WSCD2: variants seen among roughly 807,000 people sequenced by gnomAD.
WSCD2 encodes sialate:O-sulfotransferase 2.
WSCD2 carries 28 observed loss-of-function variants against 55.7 expected under a neutral mutation model. That is an observed-to-expected ratio of 0.50 (90% CI 0.37 to 0.69). The LOEUF is 0.69. Among genes scored for constraint, WSCD2 ranks in the 30% least tolerant of loss-of-function variants. The pLI, the probability that WSCD2 is intolerant of heterozygous loss-of-function variation, is 0.00. For synonymous variants in WSCD2, 301 were observed against 301.9 expected, an observed-to-expected ratio of 1.00 and a Z score of 0.03; for missense variants, 616 against 762.1, an observed-to-expected ratio of 0.81 and a Z score of 2.26.
chr12:108,229,664 A>G (rs1188343434), intron 6 of WSCD2, among the ~76,000 whole-genome samples: 1 of 152,234 alleles, frequency 6.6e-6, no homozygotes, highest in Admixed American at 6.5e-5. Context: ...AAAACTGCAT[A>G]TAATACTGCC....
chr12:108,210,387 C>T lies in WSCD2; in HGVS notation c.682+82C>T. On this transcript the variant is annotated intron_variant, in intron 4 of 8. Transcript: ENST00000547525. The surrounding 1 kb of genome is among the most constrained non-coding windows in gnomAD (Gnocchi z 4.3). ...CCACCAAAGAGTCCCACATGTCTGC[C>T]CTGTACCCTCCATGGCTCCCCATCA... 1 of 1,472,818 alleles carries T rather than the reference C, an allele frequency of 6.8e-7. No homozygotes were observed. The highest frequency in any genetic ancestry group is 9.0e-7 in the Non-Finnish European group (1 of 1,108,768). The allele number at this position is 1,472,818 out of a possible 1,614,324, so 91.2% of individuals were successfully genotyped here.
chr12:108,175,951 T>C (rs1880801011), intron 1 of WSCD2, among the ~76,000 whole-genome samples: 1 of 152,154 alleles, frequency 6.6e-6, no homozygotes, highest in African/African-American at 2.4e-5. Flanking sequence ...GCCATTCTCC[T>C]GCCTCAGCCT....
rs368776304 is a variant in WSCD2 at position 108,247,847 on chromosome 12, T to A, written c.1346-144T>A. ...GCTGGGATTATAGGTGTGAGCCACC[T>A]CACCTGGCCTGTATTATTACAGTTA... On this transcript the variant is annotated intron_variant, in intron 8 of 8. Transcript: ENST00000547525. The A allele has an allele frequency of 1.9e-3, 1,868 of 973,310 alleles. 35 individuals are homozygous for A. In the South Asian group the frequency reaches 0.03, roughly 16 times the overall value. 60.3% of individuals were successfully genotyped at this position (973,310 alleles called of 1,614,324 possible). A position where few individuals can be genotyped will look rare whatever the true frequency, so the allele number is the denominator to read the frequency against.
At chr12:108,216,830 T>G (rs919481776) in intron 4 of WSCD2, among the ~76,000 whole-genome samples, 1 of 152,204 alleles carries the variant, frequency 6.6e-6, no homozygotes, top group African/African-American at 2.4e-5. Context: ...GGGTGGCTCC[T>G]GGGGAAATTA....
intron 1 of WSCD2, among the ~76,000 whole-genome samples, chr12:108,168,345 C>T (rs961013528): frequency 6.6e-6 from 1 of 152,184 alleles, no homozygotes; most frequent in African/African-American, 2.4e-5. Flanking sequence ...GAGCAAGTCA[C>T]ATATCTTCCC....
chr12:108,212,540 T>C (rs1488503413), intron 4 of WSCD2, among the ~76,000 whole-genome samples: 1 of 151,626 alleles, frequency 6.6e-6, no homozygotes, highest in Non-Finnish European at 1.5e-5. Flanking sequence ...TCTTCCTCTT[T>C]CTCTCCCCCA....
At chr12:108,138,007 A>G (rs1490189948) in intron 1 of WSCD2, among the ~76,000 whole-genome samples, 1 of 152,220 alleles carries the variant, frequency 6.6e-6, no homozygotes, top group African/African-American at 2.4e-5. Flanking sequence ...GGCATCCGCT[A>G]TACACTGAGG....
intron 1 of WSCD2, among the ~76,000 whole-genome samples, chr12:108,156,969 C>T (rs1289276485): frequency 6.6e-6 from 1 of 152,208 alleles, no homozygotes; most frequent in Non-Finnish European, 1.5e-5. Context: ...TGTTTGGAAC[C>T]TCTGGCTTGT....
Position 108,248,142 on chromosome 12 carries a change from C to G in WSCD2, c.1497C>G (p.Gly499=), listed in dbSNP as rs138523163. ...TGGGCCGGATGGTCAGCCTGCTGGG[C>G]GTGGCTGTCAGGGAGGACCGGCTGC... The part of the protein sequence containing the change: ...VQLGRMVSLL[G]VAVREDRLLC... The change falls in exon 9 of 9, where the codon GGC becomes GGG. Residue 499 remains glycine, a synonymous_variant. Coordinates refer to ENST00000547525, the MANE Select transcript of WSCD2 (RefSeq NM_014653.4). The surrounding 1 kb of genome is among the most constrained non-coding windows in gnomAD (Gnocchi z 4.3). 1 of 1,614,174 alleles carries G rather than the reference C, an allele frequency of 6.2e-7. No individual in the cohort carries two copies. The highest frequency in any genetic ancestry group is 1.1e-5 in the South Asian group (1 of 91,084).
rs749050382 is a variant in WSCD2 at position 108,232,756 on chromosome 12, C to A, written c.1005C>A (p.Phe335Leu). 7 of 1,613,420 alleles carry A rather than the reference C, an allele frequency of 4.3e-6. No individual in the cohort carries two copies. The South Asian group carries it at 7.7e-5, about 18-fold the overall frequency. Residue 335 changes from phenylalanine to leucine, a missense_variant, in exon 7 of 9, where the codon TTC becomes TTA. Transcript: ENST00000547525. ...ACAACCGTTGCATGGACAGAAGGTT[C>A]CTGCCAGGCAAGTCCAAGCAGCTCA... ...VQDNRCMDRR[F>L]LPGKSKQLIA...
In WSCD2 at chr12:108,164,138, C is replaced by CTTTTTTTTTTTTTTTTTTTTTTT; in HGVS notation, c.-551-31144_-551-31143insTTTTTTTTTTTTTTTTTTTTTTT. Reference sequence around the variant, plus strand: ...TTTATACTGTTGTTTAATCTTAAATCCTTTTTTTTTTTTTTTTTTTTTTTC... The same window carrying CTTTTTTTTTTTTTTTTTTTTTTT: ...TTTATACTGTTGTTTAATCTTAAATCTTTTTTTTTTTTTTTTTTTTTTTCTTTTTTTTTTTTTTTTTTTTTTTC... On this transcript the variant is annotated intron_variant, in intron 1 of 8. Transcript: ENST00000547525. Among the ~76,000 whole-genome samples, 273 of 71,738 alleles carry CTTTTTTTTTTTTTTTTTTTTTTT rather than the reference C, an allele frequency of 3.8e-3. 120 individuals are homozygous for CTTTTTTTTTTTTTTTTTTTTTTT. Among genetic ancestry groups the CTTTTTTTTTTTTTTTTTTTTTTT allele is most frequent in the Non-Finnish European group, 4.8e-3 (183 of 38,262 alleles). 47.1% of individuals were successfully genotyped at this position (71,738 alleles called of 152,430 possible).
At chr12:108,232,078 C>T (rs1202460268) in intron 6 of WSCD2, among the ~76,000 whole-genome samples, 2 of 152,182 alleles carry the variant, frequency 1.3e-5, no homozygotes, top group Non-Finnish European at 2.9e-5. Context: ...AGAGGAAGTA[C>T]AGAGAGACCA....
At chr12:108,241,206 G>T (rs1889719845) in intron 8 of WSCD2, among the ~76,000 whole-genome samples, 1 of 152,154 alleles carries the variant, frequency 6.6e-6, no homozygotes, top group African/African-American at 2.4e-5. Context: ...ACAGCATTGA[G>T]CCCCAAGCAT....
chr12:108,248,035 C>T lies in WSCD2; in HGVS notation c.1390C>T (p.His464Tyr). The part of the protein sequence containing the change: ...VRNYAPWWAT[H>Y]TLDWLKFGKK... ...GAACTATGCCCCGTGGTGGGCCACT[C>T]ACACACTGGACTGGCTCAAGTTTGG... Residue 464 changes from histidine to tyrosine, a missense_variant, in exon 9 of 9, where the codon CAC (histidine) becomes TAC (tyrosine). Physicochemically the swap from His to Tyr is moderately conservative, Grantham distance 83. Coordinates refer to ENST00000547525, the MANE Select transcript of WSCD2 (RefSeq NM_014653.4). This position sits in a 1 kb window ranked among gnomAD's most constrained non-coding sequence, Gnocchi z 4.3. The T allele has an allele frequency of 6.2e-7, 1 of 1,614,176 alleles. No homozygotes were observed. The highest frequency in any genetic ancestry group is 8.5e-7 in the Non-Finnish European group (1 of 1,180,016).
In WSCD2 at chr12:108,234,888, T is replaced by A. The variant is rs149965240; in HGVS notation, c.1144+1993T>A. On this transcript the variant is annotated intron_variant, in intron 7 of 8. Coordinates refer to ENST00000547525, the MANE Select transcript of WSCD2 (RefSeq NM_014653.4). Reference sequence around the variant, plus strand: ...AATGAATTTTTGCTTAAGGATGATGTGTTAAGAAAGATTCTGAGGTTCTTC... The same window carrying A: ...AATGAATTTTTGCTTAAGGATGATGAGTTAAGAAAGATTCTGAGGTTCTTC... Among the ~76,000 whole-genome samples, 485 of 152,288 alleles carry A rather than the reference T, an allele frequency of 3.2e-3. 3 individuals are homozygous for A. Among genetic ancestry groups the A allele is most frequent in the African/African-American group, 9.7e-3 (403 of 41,550 alleles).
At chr12:108,171,218 A>G (rs1880206328) in intron 1 of WSCD2, among the ~76,000 whole-genome samples, 1 of 152,230 alleles carries the variant, frequency 6.6e-6, no homozygotes, top group South Asian at 2.1e-4. Flanking sequence ...CTGCATAAAA[A>G]TCCACGATCA....
chr12:108,175,819 T>TA (rs1320505346), intron 1 of WSCD2, among the ~76,000 whole-genome samples: 10 of 152,212 alleles, frequency 6.6e-5, no homozygotes, highest in African/African-American at 2.4e-4. Context: ...GGGTTAATGT[T>TA]ACATGGCATT....
intron 1 of WSCD2, among the ~76,000 whole-genome samples, chr12:108,157,454 C>G (rs1878635816): frequency 6.6e-6 from 1 of 152,178 alleles, no homozygotes; most frequent in Non-Finnish European, 1.5e-5. Context: ...TTTCATGGCC[C>G]CTAACTCCTC....
At chr12:108,143,766 G>A (rs567909479) in intron 1 of WSCD2, among the ~76,000 whole-genome samples, 1 of 152,264 alleles carries the variant, frequency 6.6e-6, no homozygotes, top group Admixed American at 6.5e-5. Context: ...GTGTAGCCTT[G>A]GATCAGTCAC....
Sources: gnomAD v4.1 joint callset for allele counts (sites outside exome capture counted in the v4.1 genomes callset) on GRCh38, gnomAD v4.1.1 for gene constraint, Gnocchi (gnomAD v3.1) non-coding constraint, MANE v1.5 for transcripts, NCBI Gene and HGNC (gene_info 2026-07-23, HGNC 2026-07-21) for gene names.